SORCS1: variants seen among roughly 807,000 people sequenced by gnomAD.
The protein encoded by SORCS1 is VPS10 domain-containing receptor SorCS1.
SORCS1 carries 60 observed loss-of-function variants against 146.1 expected under a neutral mutation model. The observed-to-expected ratio is 0.41, with a 90% CI of 0.33 to 0.51. The LOEUF (loss-of-function observed/expected upper bound fraction) is 0.51, where lower values mean the gene tolerates loss of function less well. Among genes scored for constraint, SORCS1 ranks in the 20% least tolerant of loss-of-function variants. SORCS1 has a pLI of 0.21. For synonymous variants in SORCS1, 637 were observed against 584.0 expected, an observed-to-expected ratio of 1.09 and a Z score of -1.31; for missense variants, 1,352 against 1,487.6, an observed-to-expected ratio of 0.91 and a Z score of 1.50.
In SORCS1 at chr10:107,110,945, T is replaced by C. The variant is rs1221167084; in HGVS notation, c.558+53024A>G. 2.6e-5 allele frequency among the ~76,000 whole-genome samples: 4 copies of C among 152,220 alleles called. No homozygotes were observed. The East Asian group carries it at 7.7e-4, about 29-fold the overall frequency. ...CAAGAGGTCAGACAAAAGCCATGCC[T>C]ACCAGAGACACTGGTAACAGGCCTG... is the stretch of plus-strand genomic sequence containing the variant. On this transcript the variant is annotated intron_variant, in intron 1 of 25. Coordinates refer to ENST00000263054, the MANE Select transcript of SORCS1 (RefSeq NM_052918.5).
At chr10:106,873,313 CAAAAA>C (rs72466113) in intron 2 of SORCS1, among the ~76,000 whole-genome samples, 1 of 129,912 alleles carries the variant, frequency 7.7e-6, no homozygotes, top group African/African-American at 2.8e-5. Flanking sequence ...AACTCGGTCT[CAAAAA>C]AAAAAAAAAA....
Position 106,899,574 on chromosome 10 carries a change from C to A in SORCS1, c.626+56939G>T, listed in dbSNP as rs1182471917. 2.7e-5 allele frequency among the ~76,000 whole-genome samples: 4 copies of A among 150,220 alleles called. No homozygotes were observed. In the East Asian group the frequency reaches 5.9e-4, roughly 22 times the overall value. ...TCCACCTGTTTACTATTACTTAAAT[C>A]CATCCTGCCACCAGGGCTTTTTTTT... On this transcript the variant is annotated intron_variant, in intron 2 of 25. Transcript: ENST00000263054.
At chr10:107,063,835 C>T (rs1044725321) in intron 1 of SORCS1, among the ~76,000 whole-genome samples, 6 of 152,154 alleles carry the variant, frequency 3.9e-5, no homozygotes, top group African/African-American at 1.2e-4. Context: ...TCCTCATTCC[C>T]CCATATTCCC....
At chr10:106,638,922 C>G (rs1020042704) in intron 18 of SORCS1, among the ~76,000 whole-genome samples, 2 of 152,156 alleles carry the variant, frequency 1.3e-5, no homozygotes, top group Admixed American at 1.3e-4. Context: ...ACTTCCAAGT[C>G]AGATAATCTG....
intron 1 of SORCS1, among the ~76,000 whole-genome samples, chr10:107,089,581 G>A (rs1964024450): frequency 6.6e-6 from 1 of 152,050 alleles, no homozygotes; most frequent in Admixed American, 6.6e-5. Flanking sequence ...TTAGCACAGA[G>A]CCAAACCTTG....
chr10:106,630,624 T>A (rs1051414062), intron 18 of SORCS1, among the ~76,000 whole-genome samples: 10 of 152,192 alleles, frequency 6.6e-5, no homozygotes, highest in Admixed American at 2.0e-4. Context: ...ATGAACTGGG[T>A]ATAATAATAC....
At chr10:107,099,949 T>C (rs921022294) in intron 1 of SORCS1, among the ~76,000 whole-genome samples, 1 of 152,246 alleles carries the variant, frequency 6.6e-6, no homozygotes, top group Non-Finnish European at 1.5e-5. Flanking sequence ...GATTATTTGC[T>C]ATTACCTCTA....
At chr10:106,926,866 C>G (rs12247952) in intron 2 of SORCS1, among the ~76,000 whole-genome samples, 1,972 of 61,822 alleles carry the variant, frequency 0.032, 41 homozygotes, top group East Asian at 0.11. Flanking sequence ...CACACACACA[C>G]AGAGAGAGAG....
chr10:106,890,811 CA>C lies in SORCS1; in HGVS notation c.627-61139del, dbSNP rs202244721. Among the ~76,000 whole-genome samples, 293 of 109,922 alleles carry C rather than the reference CA, an allele frequency of 2.7e-3. 2 individuals are homozygous for C. In the Middle Eastern group the frequency reaches 0.033, roughly 12 times the overall value. 72.1% of individuals were successfully genotyped at this position (109,922 alleles called of 152,430 possible). On this transcript the variant is annotated intron_variant, in intron 2 of 25. Transcript: ENST00000263054. ...TTGTGGTTTTACATTTATATACATA[CA>C]TTTTTTTTTTTTTAACTGGGAAATC...
intron 5 of SORCS1, among the ~76,000 whole-genome samples, chr10:106,755,712 T>C (rs1434003728): frequency 1.3e-5 from 2 of 152,208 alleles, no homozygotes; most frequent in East Asian, 1.9e-4. Flanking sequence ...TAGATATGTG[T>C]CTGACCTACA....
intron 18 of SORCS1, among the ~76,000 whole-genome samples, chr10:106,630,029 G>C (rs1009741455): frequency 3.3e-5 from 5 of 152,252 alleles, no homozygotes; most frequent in African/African-American, 9.6e-5. Flanking sequence ...TGATGATGGA[G>C]TGAGACTCCG....
In SORCS1 at chr10:106,655,922, C is replaced by G. The variant is rs540993923; in HGVS notation, c.2304-3369G>C. On this transcript the variant is annotated intron_variant, in intron 17 of 25. Coordinates refer to ENST00000263054, the MANE Select transcript of SORCS1 (RefSeq NM_052918.5). ...ATATGTTATTAAATGGGGCTGCTAC[C>G]TCCGTAATAACAAGGCAACTTATGA... 1.4e-4 allele frequency among the ~76,000 whole-genome samples: 21 copies of G among 152,274 alleles called. No homozygotes were observed. In the South Asian group the frequency reaches 4.2e-3, roughly 30 times the overall value.
intron 24 of SORCS1, among the ~76,000 whole-genome samples, chr10:106,589,831 T>C (rs868213311): frequency 1.3e-5 from 2 of 152,060 alleles, no homozygotes; most frequent in Non-Finnish European, 2.9e-5. Context: ...GAAATGATAA[T>C]GGAGTTTTGC....
chr10:107,115,026 C>T (rs1042410753), intron 1 of SORCS1, among the ~76,000 whole-genome samples: 25 of 151,828 alleles, frequency 1.6e-4, no homozygotes, highest in African/African-American at 5.6e-4. Flanking sequence ...AAATAAGATA[C>T]TTAAGATAAA....
chr10:107,021,822 A>C (rs1254050274), intron 1 of SORCS1, among the ~76,000 whole-genome samples: 2 of 152,186 alleles, frequency 1.3e-5, no homozygotes, highest in African/African-American at 2.4e-5. Flanking sequence ...CATATTAACC[A>C]CATTTTGCTT....
chr10:106,866,408 C>A (rs1420303950), intron 2 of SORCS1, among the ~76,000 whole-genome samples: 2 of 152,194 alleles, frequency 1.3e-5, no homozygotes, highest in Non-Finnish European at 2.9e-5. Flanking sequence ...CGACTGCTGA[C>A]CTGCATCTCT....
intron 3 of SORCS1, among the ~76,000 whole-genome samples, chr10:106,816,070 T>C (rs984794300): frequency 6.6e-5 from 10 of 152,228 alleles, no homozygotes; most frequent in Admixed American, 2.0e-4. Flanking sequence ...TCTACCAAAA[T>C]AATTTGGTTG....
the SORCS1 span, among the ~76,000 whole-genome samples, chr10:107,179,395 CCTT>C: frequency 6.6e-6 from 1 of 152,288 alleles, no homozygotes; most frequent in Non-Finnish European, 1.5e-5. Context: ...CACATACTCT[CCTT>C]AATTCCTAGA....
At chr10:106,995,423 G>A (rs887624064) in intron 1 of SORCS1, among the ~76,000 whole-genome samples, 6 of 152,092 alleles carry the variant, frequency 3.9e-5, no homozygotes, top group Admixed American at 1.3e-4. Context: ...GAAAAGTAAC[G>A]GGATTTGTTC....
Sources: gnomAD v4.1 joint callset for allele counts (sites outside exome capture counted in the v4.1 genomes callset) on GRCh38, gnomAD v4.1.1 for gene constraint, MANE v1.5 for transcripts, NCBI Gene and HGNC (gene_info 2026-07-23, HGNC 2026-07-21) for gene names.